RNF121: variants seen among roughly 807,000 people sequenced by gnomAD.
The protein encoded by RNF121 is E3 ubiquitin ligase RNF121.
Under a neutral mutation model 46.5 loss-of-function variants are expected in RNF121, and 21 were observed. That is an observed-to-expected ratio of 0.45 (90% confidence interval 0.32 to 0.65). The LOEUF (loss-of-function observed/expected upper bound fraction) is 0.65, where lower values mean the gene tolerates loss of function less well. Among genes scored for constraint, RNF121 ranks in the 30% least tolerant of loss-of-function variants. RNF121 has a pLI of 0.04. For missense variants in RNF121, 346 were observed against 416.0 expected, an observed-to-expected ratio of 0.83 and a Z score of 1.46; for synonymous variants, 139 against 144.7, an observed-to-expected ratio of 0.96 and a Z score of 0.28.
intron 3 of RNF121, among the ~76,000 whole-genome samples, chr11:71,981,138 T>A (rs1219618830): frequency 6.7e-6 from 1 of 150,290 alleles, no homozygotes; most frequent in Non-Finnish European, 1.5e-5. Context: ...AAGCTCCACC[T>A]CTTGGGTTCA....
chr11:71,989,082 G>GTTTC (rs1222009593), intron 5 of RNF121, among the ~76,000 whole-genome samples: 6 of 151,852 alleles, frequency 4.0e-5, no homozygotes, highest in Non-Finnish European at 7.4e-5. Flanking sequence ...TTGTTTGTTT[G>GTTTC]TTTGTTTGTT....
At chr11:71,964,421 A>G (rs974346565) in intron 3 of RNF121, among the ~76,000 whole-genome samples, 5 of 102,116 alleles carry the variant, frequency 4.9e-5, no homozygotes, top group Non-Finnish European at 9.8e-5. Context: ...TTTTATATAT[A>G]AGATTGGTCA....
chr11:71,983,050 AAAC>A (rs1954696474), intron 4 of RNF121, 135 bp downstream of exon 4: 1 of 716,568 alleles, frequency 1.4e-6, no homozygotes, highest in African/African-American at 1.8e-5. Flanking sequence ...GGCCTCTCTA[AAAC>A]AAGCTGATTG....
intron 3 of RNF121, among the ~76,000 whole-genome samples, chr11:71,970,332 G>T (rs1053386605): frequency 4.6e-5 from 7 of 152,152 alleles, no homozygotes; most frequent in African/African-American, 7.2e-5. Context: ...ACTCAAAGAT[G>T]AATAAAATGG....
intron 3 of RNF121, among the ~76,000 whole-genome samples, chr11:71,966,320 G>C (rs1954275633): frequency 6.6e-6 from 1 of 152,176 alleles, no homozygotes; most frequent in East Asian, 1.9e-4. Context: ...TGCCTGGCCT[G>C]ATATTTCCAT....
intron 3 of RNF121, among the ~76,000 whole-genome samples, chr11:71,976,790 C>T (rs1954535538): frequency 6.6e-6 from 1 of 152,116 alleles, no homozygotes; most frequent in Non-Finnish European, 1.5e-5. Flanking sequence ...ACTATTAAGC[C>T]ATTCCTTCCC....
At chr11:71,955,347 A>G (rs1455938664) in intron 1 of RNF121, among the ~76,000 whole-genome samples, 2 of 152,186 alleles carry the variant, frequency 1.3e-5, no homozygotes, top group African/African-American at 4.8e-5. Flanking sequence ...AGGTCTTATT[A>G]AAAGGCAGAT....
intron 4 of RNF121, 93 bp from the exon 5 acceptor site, chr11:71,986,911 C>T (rs1954782896): frequency 1.3e-6 from 1 of 767,868 alleles, no homozygotes; most frequent in African/African-American, 1.7e-5. Flanking sequence ...CCCTGGTGTC[C>T]CCATTGATGT....
At chr11:71,941,740 G>C (rs1242006141) in intron 1 of RNF121, among the ~76,000 whole-genome samples, 5 of 152,188 alleles carry the variant, frequency 3.3e-5, no homozygotes, top group Non-Finnish European at 7.3e-5. Flanking sequence ...CAAGTGGAGG[G>C]AGAAGCAAGT....
At chr11:71,954,156 C>T (rs148574980) in intron 1 of RNF121, among the ~76,000 whole-genome samples, 1 of 152,190 alleles carries the variant, frequency 6.6e-6, no homozygotes, top group Non-Finnish European at 1.5e-5. Context: ...AATGCTTGGC[C>T]CCAAATGAAT....
At chr11:71,990,082 A>AG (rs1954837308) in intron 5 of RNF121, among the ~76,000 whole-genome samples, 1 of 152,234 alleles carries the variant, frequency 6.6e-6, no homozygotes, top group South Asian at 2.1e-4. Flanking sequence ...AATCTCAGAA[A>AG]GAGGGGCATG....
At chr11:71,930,738 C>T (rs1312109333) in intron 1 of RNF121, among the ~76,000 whole-genome samples, 1 of 152,178 alleles carries the variant, frequency 6.6e-6, no homozygotes, top group Admixed American at 6.5e-5. Context: ...CATGGGCTCT[C>T]CCTTGAGACA....
At chr11:71,985,924 C>G (rs994433267) in intron 4 of RNF121, among the ~76,000 whole-genome samples, 1 of 151,518 alleles carries the variant, frequency 6.6e-6, no homozygotes, top group Non-Finnish European at 1.5e-5. Flanking sequence ...AAGACCCCAT[C>G]TCTAGCCAAA....
At chr11:71,965,209 A>G (rs751289791) in intron 3 of RNF121, among the ~76,000 whole-genome samples, 1 of 151,648 alleles carries the variant, frequency 6.6e-6, no homozygotes, top group Non-Finnish European at 1.5e-5. Context: ...ATATCTATCC[A>G]TATTGGTGGG....
At chr11:71,944,007 G>C (rs990543754) in intron 1 of RNF121, among the ~76,000 whole-genome samples, 3 of 152,098 alleles carry the variant, frequency 2.0e-5, no homozygotes, top group African/African-American at 7.2e-5. Flanking sequence ...ATTTTTATCT[G>C]TAGCTGATGA....
intron 2 of RNF121, among the ~76,000 whole-genome samples, chr11:71,959,728 C>A (rs1386030227): frequency 6.6e-6 from 1 of 151,764 alleles, no homozygotes; most frequent in Non-Finnish European, 1.5e-5. Flanking sequence ...CTCCACCTCC[C>A]AGGTTCAAGT....
At chr11:71,938,167 A>G (rs928522201) in intron 1 of RNF121, among the ~76,000 whole-genome samples, 4 of 152,170 alleles carry the variant, frequency 2.6e-5, no homozygotes, top group Non-Finnish European at 4.4e-5. Context: ...TGTTGCCCAT[A>G]GGATTGAGCC....
Position 71,943,507 on chromosome 11 carries a change from T to C in RNF121, c.64-13720T>C, listed in dbSNP as rs138093391. On this transcript the variant is annotated intron_variant, in intron 1 of 8. Transcript: ENST00000361756. ...AGGCATTTGTTACGCCAGCCTCGTG[T>C]ATGTTGGGAGAATCCTGTTCACTTG... Among the ~76,000 whole-genome samples the C allele has an allele frequency of 3.8e-3, 578 of 152,334 alleles. 5 individuals are homozygous for C. Among genetic ancestry groups the C allele is most frequent in the Admixed American group, 8.6e-3 (132 of 15,300 alleles).
At chr11:71,940,744 A>G (rs181922554) in intron 1 of RNF121, among the ~76,000 whole-genome samples, 109 of 152,360 alleles carry the variant, frequency 7.2e-4, no homozygotes, top group African/African-American at 2.5e-3. Context: ...ACATGGGAAC[A>G]GATGGTTGTA....
Sources: allele counts gnomAD v4.1 joint callset (sites outside exome capture counted in the v4.1 genomes callset), GRCh38; gene constraint gnomAD v4.1.1; transcripts MANE v1.5; gene names NCBI Gene and HGNC (gene_info 2026-07-23, HGNC 2026-07-21).